Variants in CLIP2 observed in about 807,000 individuals in gnomAD.
CLIP2 encodes CAP-Gly domain containing linker protein 2.
A neutral mutation model predicts 111.7 loss-of-function variants in CLIP2; 41 were observed. The ratio of observed to expected loss-of-function variants is 0.37; its 90% CI spans 0.29 to 0.48. The LOEUF (loss-of-function observed/expected upper bound fraction) is 0.48, where lower values mean the gene tolerates loss of function less well. CLIP2 is among the 20% of genes least tolerant of loss of function. The pLI is 0.99. For synonymous variants in CLIP2, 660 were observed against 644.2 expected (o/e 1.02, Z -0.37); for missense variants, 1,160 against 1,422.1 (o/e 0.82, Z 2.96).
intron 13 of CLIP2, among the ~76,000 whole-genome samples, chr7:74,390,165 G>A (rs1379361341): frequency 4.9e-3 from 23 of 4,714 alleles, no homozygotes; most frequent in Admixed American, 0.011. Context: ...AAAGAAAGAA[G>A]AAAGAAAGAA....
chr7:74,330,132 T>A (rs1249631337), intron 2 of CLIP2, among the ~76,000 whole-genome samples: 2 of 151,556 alleles, frequency 1.3e-5, no homozygotes, highest in African/African-American at 4.9e-5. Context: ...TCTCTCTATG[T>A]TGCCCAGGCT....
chr7:74,359,410 GTAGTGTGATC>G (rs1554309270), intron 6 of CLIP2, among the ~76,000 whole-genome samples: 1 of 145,630 alleles, frequency 6.9e-6, no homozygotes, highest in Non-Finnish European at 1.5e-5. Context: ...CTGGAGTGCA[GTAGTGTGATC>G]TTGGCTCACT....
chr7:74,329,389 C>T lies in CLIP2; in HGVS notation c.122-9059C>T, dbSNP rs191920703. Among the ~76,000 whole-genome samples, 409 of 152,100 alleles carry T rather than the reference C, an allele frequency of 2.7e-3. 2 individuals are homozygous for T. Among genetic ancestry groups the T allele is most frequent in the Non-Finnish European group, 3.9e-3 (267 of 68,004 alleles). ...AGCACCTCTCATTCCCAGAAGCACCCGGGTTTGAATGTTAAATCATGTGGT... is the reference window on the plus strand; with the variant it reads ...AGCACCTCTCATTCCCAGAAGCACCTGGGTTTGAATGTTAAATCATGTGGT... On this transcript the variant is annotated intron_variant, in intron 2 of 16. Coordinates refer to ENST00000223398, the MANE Select transcript of CLIP2 (RefSeq NM_003388.5).
At chr7:74,362,164 C>T (rs1790346669) in intron 7 of CLIP2, among the ~76,000 whole-genome samples, 1 of 152,058 alleles carries the variant, frequency 6.6e-6, no homozygotes, top group Admixed American at 6.6e-5. Context: ...CCAAAGACAC[C>T]AGGCGGTGGG....
chr7:74,307,575 C>T (rs1240983904), intron 1 of CLIP2, among the ~76,000 whole-genome samples: 1 of 152,192 alleles, frequency 6.6e-6, no homozygotes, highest in Non-Finnish European at 1.5e-5. Flanking sequence ...ACCACAACCT[C>T]CGCCTCCTGG....
chr7:74,332,754 T>C (rs1789328738), intron 2 of CLIP2, among the ~76,000 whole-genome samples: 1 of 152,128 alleles, frequency 6.6e-6, no homozygotes, highest in Non-Finnish European at 1.5e-5. Flanking sequence ...GGGTACCACA[T>C]TTTGGGTTCC....
chr7:74,376,267 G>C lies in CLIP2; in HGVS notation c.1866G>C (p.Ser622=). ...NWKSKLDSLA[S]DHQKSLEDLK... ...AATCCAAGCTGGACTCGCTGGCCTCGGACCACCAGAAGTCCCTGGAGGACC... is the reference window on the plus strand; with the variant it reads ...AATCCAAGCTGGACTCGCTGGCCTCCGACCACCAGAAGTCCCTGGAGGACC... Residue 622 remains serine (S), a synonymous_variant, in exon 10 of 17, where the codon TCG becomes TCC. Transcript: ENST00000223398. The surrounding 1 kb of genome is among the most constrained non-coding windows in gnomAD (Gnocchi z 7.1). 1 of 1,612,782 alleles carries C rather than the reference G, an allele frequency of 6.2e-7. No homozygotes were observed. Among genetic ancestry groups the C allele is most frequent in the Non-Finnish European group, 8.5e-7 (1 of 1,179,470 alleles).
Position 74,356,544 on chromosome 7 carries a change from A to T in CLIP2, c.938A>T (p.His313Leu), listed in dbSNP as rs1554308511. The T allele has an allele frequency of 1.2e-6, 2 of 1,614,216 alleles. No homozygotes were observed. ...GCCATGGGTGTGTCAGCACTGACCCACAGTCCCAGCAGTTCCTCCATCAGC... is the reference window on the plus strand; with the variant it reads ...GCCATGGGTGTGTCAGCACTGACCCTCAGTCCCAGCAGTTCCTCCATCAGC... ...RMAMGVSALT[H>L]SPSSSSISSV... The change falls in exon 5 of 17, where the codon CAC becomes CTC. Residue 313 changes from histidine (H) to leucine (L), a missense_variant. Around this residue, in one of 5 missense-constraint regions of CLIP2, gnomAD observed 110 missense variants for 185.2 expected, o/e 0.59. Coordinates refer to ENST00000223398, the MANE Select transcript of CLIP2 (RefSeq NM_003388.5).
intron 8 of CLIP2, among the ~76,000 whole-genome samples, chr7:74,366,735 G>A (rs1584365174): frequency 6.6e-6 from 1 of 152,140 alleles, no homozygotes; most frequent in East Asian, 1.9e-4. Context: ...AATTAGCTGG[G>A]CATGGTGACG....
intron 9 of CLIP2, among the ~76,000 whole-genome samples, chr7:74,374,518 C>T (rs543452511): frequency 6.6e-6 from 1 of 152,242 alleles, no homozygotes; most frequent in African/African-American, 2.4e-5. Flanking sequence ...GTCAGGAGTT[C>T]AAGACCAGAC....
intron 3 of CLIP2, among the ~76,000 whole-genome samples, chr7:74,353,170 A>T (rs1334901767): frequency 1.3e-5 from 2 of 152,026 alleles, no homozygotes; most frequent in Non-Finnish European, 2.9e-5. Context: ...AGAAAAAGAA[A>T]AACTGCTTTT....
chr7:74,311,915 A>G (rs1554728569), intron 1 of CLIP2, among the ~76,000 whole-genome samples: 1 of 95,908 alleles, frequency 1.0e-5, no homozygotes, highest in Non-Finnish European at 2.8e-5. Context: ...ACATCTCAAG[A>G]ATAAAAAAAA....
In CLIP2 at chr7:74,369,250, C is replaced by T. The variant is rs919777135; in HGVS notation, c.1381-3682C>T. Among the ~76,000 whole-genome samples the T allele has an allele frequency of 1.1e-4, 17 of 152,138 alleles. 1 individual carries two copies. The highest frequency in any genetic ancestry group is 1.0e-3 in the Admixed American group (16 of 15,262). ...CCAGTAATCCCAGCTACTCAGGAGGCTGAGGCAGGAGAAGCGCTTGAGCCA... is the reference window on the plus strand; with the variant it reads ...CCAGTAATCCCAGCTACTCAGGAGGTTGAGGCAGGAGAAGCGCTTGAGCCA... On this transcript the variant is annotated intron_variant, in intron 8 of 16. Transcript: ENST00000223398.
intron 3 of CLIP2, among the ~76,000 whole-genome samples, chr7:74,348,279 T>C (rs552181722): frequency 6.6e-6 from 1 of 151,990 alleles, no homozygotes; most frequent in East Asian, 1.9e-4. Flanking sequence ...TTCAAGAAAA[T>C]TCCCCAGATT....
Position 74,312,481 on chromosome 7 carries a change from C to T in CLIP2, c.-67-4999C>T, listed in dbSNP as rs191167059. 1.6e-4 allele frequency among the ~76,000 whole-genome samples: 24 copies of T among 152,222 alleles called. No homozygotes were observed. In the East Asian group the frequency reaches 4.4e-3, roughly 28 times the overall value. ...GGAGCAGGAGGCTCATTTGGTCACC[C>T]ACAAGGTGGGATATTTACTGTCACC... On this transcript the variant is annotated intron_variant, in intron 1 of 16. Transcript: ENST00000223398.
At chr7:74,370,509 CT>C (rs1203547363) in intron 8 of CLIP2, among the ~76,000 whole-genome samples, 37 of 152,004 alleles carry the variant, frequency 2.4e-4, no homozygotes, top group Non-Finnish European at 5.1e-4. Flanking sequence ...GATCCTGCCC[CT>C]TTCCTGCTCA....
At chr7:74,372,104 C>G (rs1790642147) in intron 8 of CLIP2, among the ~76,000 whole-genome samples, 1 of 152,148 alleles carries the variant, frequency 6.6e-6, no homozygotes, top group Non-Finnish European at 1.5e-5. Context: ...ACCCTCCCAG[C>G]TTCCCTTCCA....
chr7:74,334,954 C>T (rs1789407307), intron 2 of CLIP2, among the ~76,000 whole-genome samples: 1 of 151,986 alleles, frequency 6.6e-6, no homozygotes, highest in Non-Finnish European at 1.5e-5. Context: ...CACCATTGCA[C>T]TCCAGCCTGG....
At chr7:74,328,952 G>A (rs1420135272) in intron 2 of CLIP2, among the ~76,000 whole-genome samples, 3 of 149,860 alleles carry the variant, frequency 2.0e-5, no homozygotes, top group Admixed American at 6.7e-5. Flanking sequence ...TCATTCTGTC[G>A]CCCAGGCTGG....
Sources: allele counts gnomAD v4.1 joint callset (sites outside exome capture counted in the v4.1 genomes callset), GRCh38; gene constraint gnomAD v4.1.1; regional missense constraint gnomAD v4.1.1; non-coding constraint Gnocchi (gnomAD v3.1); transcripts MANE v1.5; gene names NCBI Gene and HGNC (gene_info 2026-07-23, HGNC 2026-07-21).